Variants in TMPRSS15 observed in about 807,000 individuals in gnomAD.
The protein encoded by TMPRSS15 is transmembrane serine protease 15, also known as enteropeptidase.
TMPRSS15 carries 128 observed loss-of-function variants against 125.3 expected under a neutral mutation model. That is an observed-to-expected ratio of 1.02 (90% CI 0.89 to 1.18). The LOEUF (loss-of-function observed/expected upper bound fraction) is 1.18, where lower values mean the gene tolerates loss of function less well. Among genes scored for constraint, TMPRSS15 ranks in the 50% most tolerant of loss-of-function variants. The pLI, the probability that TMPRSS15 is intolerant of heterozygous loss-of-function variation, is 0.00. For missense variants in TMPRSS15, 1,283 were observed against 1,212.7 expected, an observed-to-expected ratio of 1.06 and a Z score of -0.86; for synonymous variants, 446 against 423.2, an observed-to-expected ratio of 1.05 and a Z score of -0.66.
intron 1 of TMPRSS15, among the ~76,000 whole-genome samples, chr21:18,411,427 C>T (rs2824811): frequency 0.37 from 55,898 of 151,770 alleles, 10,644 homozygotes; most frequent in East Asian, 0.6. Context: ...TTTATGACTT[C>T]ATGATTTTTA....
At chr21:18,342,572 C>T (rs1163178900) in intron 12 of TMPRSS15, among the ~76,000 whole-genome samples, 1 of 152,202 alleles carries the variant, frequency 6.6e-6, no homozygotes, top group Non-Finnish European at 1.5e-5. Context: ...TGAGTATAGC[C>T]ACATCTGGCC....
At chr21:18,473,970 T>C (rs1236001913) in intron 1 of TMPRSS15, among the ~76,000 whole-genome samples, 1 of 152,184 alleles carries the variant, frequency 6.6e-6, no homozygotes, top group East Asian at 1.9e-4. Context: ...GTCTCATTCA[T>C]ATGTGATTGA....
At chr21:18,413,749 A>G (rs1318010047) in intron 1 of TMPRSS15, among the ~76,000 whole-genome samples, 1 of 151,838 alleles carries the variant, frequency 6.6e-6, no homozygotes, top group Non-Finnish European at 1.5e-5. Flanking sequence ...TTGCTTTAGG[A>G]CAGGGTCTTG....
At chr21:18,405,053 T>C (rs144095659), upstream of TMPRSS15, among the ~76,000 whole-genome samples, 394 of 152,216 alleles carry the variant, frequency 2.6e-3, 2 homozygotes, top group African/African-American at 9.0e-3. Context: ...CCTCTTGAAT[T>C]TGGAAAGCCA....
chr21:18,443,130 C>A (rs1189915149), intron 1 of TMPRSS15, among the ~76,000 whole-genome samples: 1 of 151,836 alleles, frequency 6.6e-6, no homozygotes, highest in Non-Finnish European at 1.5e-5. Flanking sequence ...TTAAATAGTG[C>A]AGAGAAACAA....
intron 1 of TMPRSS15, among the ~76,000 whole-genome samples, chr21:18,478,571 C>T (rs1027298402): frequency 2.6e-4 from 39 of 151,980 alleles, no homozygotes; most frequent in Non-Finnish European, 5.0e-4. Flanking sequence ...AGTCTTTCCA[C>T]AAACATCCTC....
chr21:18,467,651 T>C (rs1217691650), intron 1 of TMPRSS15, among the ~76,000 whole-genome samples: 1 of 151,986 alleles, frequency 6.6e-6, no homozygotes, highest in Admixed American at 6.6e-5. Flanking sequence ...TAAAGTAGAA[T>C]TCCTAAATCT....
In TMPRSS15 at chr21:18,372,408, G is replaced by A. The variant is rs940573156; in HGVS notation, c.533-84C>T. 5 of 1,229,192 alleles carry A rather than the reference G, an allele frequency of 4.1e-6. No homozygotes were observed. The African/African-American group carries it at 6.0e-5, about 15-fold the overall frequency. 76.1% of individuals were successfully genotyped at this position (1,229,192 alleles called of 1,614,324 possible). On this transcript the variant is annotated intron_variant, in intron 5 of 24. Coordinates refer to ENST00000284885, the MANE Select transcript of TMPRSS15 (RefSeq NM_002772.3). The stretch of plus-strand genomic sequence containing the variant: ...TTTAATAGGCCTTTTTGCCACTGGG[G>A]TTCTTACTTATAAGTATGTTCTTCA...
chr21:18,362,239 C>A (rs776218168), intron 7 of TMPRSS15, among the ~76,000 whole-genome samples: 2 of 152,010 alleles, frequency 1.3e-5, no homozygotes, highest in Non-Finnish European at 2.9e-5. Context: ...GCTGGTGAGA[C>A]CTTTAGAGAA....
intron 4 of TMPRSS15, among the ~76,000 whole-genome samples, chr21:18,383,236 T>G (rs947680875): frequency 5.0e-4 from 69 of 138,918 alleles, no homozygotes; most frequent in African/African-American, 1.7e-3. Context: ...ATGCCAACAC[T>G]CTCAGAATCT....
chr21:18,337,352 C>CCAGAAATAAG (rs531723785), intron 13 of TMPRSS15, among the ~76,000 whole-genome samples: 236 of 152,186 alleles, frequency 1.6e-3, no homozygotes, highest in African/African-American at 5.5e-3. Context: ...TTTAAAAGCC[C>CCAGAAATAAG]CAGAAATAAG....
At chr21:18,412,717 A>G (rs1460694653) in intron 1 of TMPRSS15, among the ~76,000 whole-genome samples, 1 of 152,186 alleles carries the variant, frequency 6.6e-6, no homozygotes, top group African/African-American at 2.4e-5. Flanking sequence ...TAATGTGTCT[A>G]GTAACCCTGC....
chr21:18,392,862 TA>T (rs1422147963), intron 3 of TMPRSS15, among the ~76,000 whole-genome samples: 1 of 152,140 alleles, frequency 6.6e-6, no homozygotes, highest in Non-Finnish European at 1.5e-5. Flanking sequence ...CTGCCACTTA[TA>T]AAACCATCAG....
At chr21:18,456,548 T>C (rs1978444937) in intron 1 of TMPRSS15, among the ~76,000 whole-genome samples, 1 of 152,066 alleles carries the variant, frequency 6.6e-6, no homozygotes. Context: ...CCTAGTTTCC[T>C]AAATTCCAGT....
At chr21:18,446,825 A>G (rs1872711319) in intron 1 of TMPRSS15, among the ~76,000 whole-genome samples, 1 of 152,146 alleles carries the variant, frequency 6.6e-6, no homozygotes, top group Admixed American at 6.5e-5. Flanking sequence ...TAGGACCAAA[A>G]CTGCTAGAGA....
At chr21:18,421,030 GGGAGAGCTT>G (rs138717097) in intron 1 of TMPRSS15, among the ~76,000 whole-genome samples, 1,604 of 152,256 alleles carry the variant, frequency 0.011, 36 homozygotes, top group African/African-American at 0.035. Flanking sequence ...TTTCTAAAAA[GGGAGAGCTT>G]GGAGAAACTA....
intron 3 of TMPRSS15, among the ~76,000 whole-genome samples, chr21:18,394,593 T>TA (rs1387050654): frequency 6.6e-6 from 1 of 150,836 alleles, no homozygotes; most frequent in African/African-American, 2.5e-5. Context: ...AACACACACT[T>TA]ACTTTTGATA....
intron 13 of TMPRSS15, among the ~76,000 whole-genome samples, chr21:18,339,477 A>C (rs2075426000): frequency 6.6e-6 from 1 of 152,188 alleles, no homozygotes; most frequent in Non-Finnish European, 1.5e-5. Context: ...TAGTTTTGGA[A>C]GTAAACCAAA....
chr21:18,346,418 C>T (rs1269285146), intron 10 of TMPRSS15, among the ~76,000 whole-genome samples: 2 of 152,144 alleles, frequency 1.3e-5, no homozygotes, highest in East Asian at 3.9e-4. Flanking sequence ...CCTATTATAA[C>T]TAATTTTGCC....
Sources: gnomAD v4.1 joint callset for allele counts (sites outside exome capture counted in the v4.1 genomes callset) on GRCh38, gnomAD v4.1.1 for gene constraint, MANE v1.5 for transcripts, NCBI Gene and HGNC (gene_info 2026-07-23, HGNC 2026-07-21) for gene names.